The following PRKAR2A variants were observed in gnomAD, a reference collection of about 807,000 sequenced individuals.
PRKAR2A encodes protein kinase cAMP-dependent type II regulatory subunit alpha.
PRKAR2A carries 29 observed loss-of-function variants against 51.9 expected under a neutral mutation model. The ratio of observed to expected loss-of-function variants is 0.56; its 90% CI spans 0.42 to 0.76. The LOEUF (loss-of-function observed/expected upper bound fraction) is 0.76. PRKAR2A is among the 30% of genes least tolerant of loss of function. The probability of loss-of-function intolerance (pLI) is 0.00; values close to 1 mark genes in which losing one functional copy is unlikely to be tolerated. For synonymous variants in PRKAR2A, 178 were observed against 186.2 expected, an observed-to-expected ratio of 0.96 and a Z score of 0.36; for missense variants, 445 against 512.1, an observed-to-expected ratio of 0.87 and a Z score of 1.26.
At chr3:48,767,946 A>C (rs1344080431) in intron 6 of PRKAR2A, among the ~76,000 whole-genome samples, 3 of 150,564 alleles carry the variant, frequency 2.0e-5, no homozygotes, top group Non-Finnish European at 3.0e-5. Flanking sequence ...AAACAAAAAA[A>C]CCCCACAAAA....
At chr3:48,814,212 C>T (rs2082832554) in intron 1 of PRKAR2A, among the ~76,000 whole-genome samples, 2 of 151,908 alleles carry the variant, frequency 1.3e-5, no homozygotes, top group Non-Finnish European at 2.9e-5. Flanking sequence ...AGTGCCACTG[C>T]ACTCCAGTCT....
intron 2 of PRKAR2A, among the ~76,000 whole-genome samples, chr3:48,796,209 T>C (rs2082489031): frequency 6.6e-6 from 1 of 152,160 alleles, no homozygotes; most frequent in Non-Finnish European, 1.5e-5. Flanking sequence ...AGAGGTAATT[T>C]ATTGCCTATG....
At chr3:48,832,880 T>G (rs575727154) in intron 1 of PRKAR2A, among the ~76,000 whole-genome samples, 2 of 152,286 alleles carry the variant, frequency 1.3e-5, no homozygotes, top group East Asian at 3.9e-4. Context: ...AGCTAAAAAC[T>G]AAGGCTGCTG....
At chr3:48,755,695 T>C (rs1288140044) in intron 9 of PRKAR2A, among the ~76,000 whole-genome samples, 1 of 147,910 alleles carries the variant, frequency 6.8e-6, no homozygotes, top group Non-Finnish European at 1.5e-5. Flanking sequence ...GCAGCCTCAA[T>C]CTCTTGGGCT....
intron 6 of PRKAR2A, among the ~76,000 whole-genome samples, chr3:48,768,344 T>TAGATAGATAG (rs1559608383): frequency 1.6e-5 from 2 of 122,350 alleles, no homozygotes; most frequent in East Asian, 2.6e-4. Flanking sequence ...TAGATAGATA[T>TAGATAGATAG]AGACAGACAG....
At position 48,839,494 on chromosome 3, in the gene PRKAR2A, T is replaced by C. The variant is rs911913848; in HGVS notation, c.262+7841A>G. ...ACAATTCTGAATGTCGATTTATTGT[T>C]TGTATGCAGCTACAGTAATTTATTA... On this transcript the variant is annotated intron_variant, in intron 1 of 10. Transcript: ENST00000265563. Among the ~76,000 whole-genome samples, 19 of 152,246 alleles carry C rather than the reference T, an allele frequency of 1.2e-4. 1 individual carries two copies. The highest frequency in any genetic ancestry group is 7.2e-4 in the Admixed American group (11 of 15,272).
Position 48,847,536 on chromosome 3 carries a change from C to G in PRKAR2A, c.61G>C (p.Val21Leu), listed in dbSNP as rs973354419. Residue 21 changes from valine to leucine, a missense_variant, in exon 1 of 11, where the codon GTG becomes CTG. Val to Leu is a conservative substitution (Grantham distance 32). Coordinates refer to ENST00000265563, the MANE Select transcript of PRKAR2A (RefSeq NM_004157.4). This position sits in a 1 kb window ranked among gnomAD's most constrained non-coding sequence, Gnocchi z 4.4. The part of the protein sequence containing the change: ...TELLQGYTVE[V>L]LRQQPPDLVE... ...AGGTCAGGCGGCTGCTGTCGCAGCA[C>G]CTCCACCGTGTAGCCCTGCAGCAGC... The G allele has an allele frequency of 3.2e-6, 5 of 1,572,224 alleles. No homozygotes were observed. The highest frequency in any genetic ancestry group is 4.3e-6 in the Non-Finnish European group (5 of 1,161,254).
chr3:48,833,591 T>A (rs2083230418), intron 1 of PRKAR2A, among the ~76,000 whole-genome samples: 1 of 149,506 alleles, frequency 6.7e-6, no homozygotes. Context: ...ACCTGTGTAA[T>A]CCTAGCTACT....
chr3:48,813,294 T>C (rs1190886782), intron 1 of PRKAR2A, among the ~76,000 whole-genome samples: 2 of 151,750 alleles, frequency 1.3e-5, no homozygotes, highest in Non-Finnish European at 1.5e-5. Context: ...TCCTAGATAT[T>C]TGGGAGGCTG....
chr3:48,838,067 A>G (rs1352146774), intron 1 of PRKAR2A, among the ~76,000 whole-genome samples: 1 of 151,844 alleles, frequency 6.6e-6, no homozygotes, highest in African/African-American at 2.4e-5. Flanking sequence ...AGTCCCAGCT[A>G]CTCGGGAGGC....
At chr3:48,823,767 C>T (rs985533470) in intron 1 of PRKAR2A, among the ~76,000 whole-genome samples, 2 of 114,824 alleles carry the variant, frequency 1.7e-5, no homozygotes, top group Non-Finnish European at 3.5e-5. Context: ...GCCTGGGCAA[C>T]AGAGAAATAC....
chr3:48,759,327 T>C (rs1575840418), intron 8 of PRKAR2A, among the ~76,000 whole-genome samples: 1 of 151,548 alleles, frequency 6.6e-6, no homozygotes, highest in South Asian at 2.1e-4. Context: ...TTTTGCAGGG[T>C]AGAATGAGAT....
chr3:48,810,011 C>T (rs1277319946), intron 1 of PRKAR2A, among the ~76,000 whole-genome samples: 1 of 152,146 alleles, frequency 6.6e-6, no homozygotes, highest in Non-Finnish European at 1.5e-5. Context: ...GTCTGAGGCA[C>T]ATCATTTCTT....
chr3:48,847,286 C>T lies in PRKAR2A; in HGVS notation c.262+49G>A. Reference sequence around the variant, plus strand: ...CCTGGCTCCCTGCCACCCCTCTAGACCTCTGGAGACCTCCTGCACCACTCC... The same window carrying T: ...CCTGGCTCCCTGCCACCCCTCTAGATCTCTGGAGACCTCCTGCACCACTCC... On this transcript the variant is annotated intron_variant, in intron 1 of 10. Transcript: ENST00000265563. The surrounding 1 kb of genome is among the most constrained non-coding windows in gnomAD (Gnocchi z 4.4). The T allele has an allele frequency of 1.2e-6, 2 of 1,601,514 alleles. No homozygotes were observed. The highest frequency in any genetic ancestry group is 4.5e-5 in the East Asian group (2 of 44,060).
At chr3:48,767,934 A>C (rs998505748) in intron 6 of PRKAR2A, among the ~76,000 whole-genome samples, 4 of 151,328 alleles carry the variant, frequency 2.6e-5, no homozygotes, top group East Asian at 3.9e-4. Flanking sequence ...AAAAAAAAAA[A>C]CAAACAAAAA....
chr3:48,794,061 G>A lies in PRKAR2A; in HGVS notation c.299-12C>T, dbSNP rs773677898. On this transcript the variant is annotated splice_polypyrimidine_tract_variant and intron_variant, in intron 2 of 10. Transcript: ENST00000265563. ...GGTCTCAGCACAGACTAAAATTGGA[G>A]AGAAAAAAACAAAAAGAATGAATTT... The A allele has an allele frequency of 5.7e-6, 9 of 1,584,538 alleles. No homozygotes were observed. In the East Asian group the frequency reaches 1.1e-4, roughly 20 times the overall value.
At chr3:48,846,341 C>T (rs2083461961) in intron 1 of PRKAR2A, among the ~76,000 whole-genome samples, 1 of 151,916 alleles carries the variant, frequency 6.6e-6, no homozygotes, top group Non-Finnish European at 1.5e-5. Context: ...CTCAGCCTCC[C>T]AAGTAGCTGG....
chr3:48,828,986 A>C (rs986249902), intron 1 of PRKAR2A, among the ~76,000 whole-genome samples: 1 of 151,652 alleles, frequency 6.6e-6, no homozygotes, highest in Non-Finnish European at 1.5e-5. Flanking sequence ...AGCACATATC[A>C]CCACACCCGG....
downstream of PRKAR2A, among the ~76,000 whole-genome samples, chr3:48,745,048 T>C (rs1385297797): frequency 2.0e-5 from 3 of 152,036 alleles, no homozygotes; most frequent in Admixed American, 6.6e-5. Context: ...ATAATATTTG[T>C]ATTTTTAGTA....
Sources: allele counts gnomAD v4.1 joint callset (sites outside exome capture counted in the v4.1 genomes callset), GRCh38; gene constraint gnomAD v4.1.1; non-coding constraint Gnocchi (gnomAD v3.1); transcripts MANE v1.5; gene names NCBI Gene and HGNC (gene_info 2026-07-23, HGNC 2026-07-21).